GRM7: variants seen among roughly 807,000 people sequenced by gnomAD.
GRM7 encodes glutamate metabotropic receptor 7.
GRM7 carries 35 observed loss-of-function variants against 84.5 expected under a neutral mutation model. That is an observed-to-expected ratio of 0.41 (90% CI 0.32 to 0.55). GRM7 has a LOEUF of 0.55. Among genes scored for constraint, GRM7 ranks in the 20% least tolerant of loss-of-function variants. The pLI is 0.19. For missense variants in GRM7, 1,003 were observed against 1,194.6 expected, an observed-to-expected ratio of 0.84 and a Z score of 2.36; for synonymous variants, 487 against 455.1, an observed-to-expected ratio of 1.07 and a Z score of -0.89.
At chr3:7,077,250 T>C (rs1017299966) in intron 1 of GRM7, among the ~76,000 whole-genome samples, 2 of 152,144 alleles carry the variant, frequency 1.3e-5, no homozygotes, top group Non-Finnish European at 2.9e-5. Context: ...TATAAATCAT[T>C]CTACTGTAAG....
intron 2 of GRM7, among the ~76,000 whole-genome samples, chr3:7,229,905 T>C (rs978028299): frequency 7.2e-6 from 1 of 138,992 alleles, no homozygotes; most frequent in Non-Finnish European, 1.5e-5. Flanking sequence ...AGCGGGGCGA[T>C]CTCAGCTCAC....
chr3:7,252,902 A>G (rs13081988), intron 2 of GRM7, among the ~76,000 whole-genome samples: 130,227 of 150,570 alleles, frequency 0.86, 56,430 homozygotes, highest in East Asian at 0.98. Context: ...ATGTAGGCCA[A>G]TATGGTCTTG....
chr3:7,128,402 T>C (rs1307033634), intron 1 of GRM7, among the ~76,000 whole-genome samples: 5 of 151,894 alleles, frequency 3.3e-5, no homozygotes, highest in African/African-American at 1.2e-4. Flanking sequence ...GGTCTGATCA[T>C]GATGACATCT....
At chr3:7,661,794 CAAAAAAAAAAA>C (rs71043686) in intron 8 of GRM7, among the ~76,000 whole-genome samples, 24 of 28,202 alleles carry the variant, frequency 8.5e-4, no homozygotes, top group Admixed American at 4.2e-3. Context: ...GTCTCCGTCT[CAAAAAAAAAAA>C]AAAAAAAAAA....
chr3:7,073,673 A>G (rs1251230805), intron 1 of GRM7, among the ~76,000 whole-genome samples: 1 of 152,132 alleles, frequency 6.6e-6, no homozygotes, highest in Non-Finnish European at 1.5e-5. Context: ...TTATGCTAAA[A>G]ATTCTAGTTT....
At chr3:7,594,043 A>G (rs1054659121) in intron 8 of GRM7, among the ~76,000 whole-genome samples, 6 of 152,128 alleles carry the variant, frequency 3.9e-5, no homozygotes, top group Non-Finnish European at 5.9e-5. Flanking sequence ...TATGTAGGCA[A>G]GGGTCTACAA....
At chr3:7,483,600 G>A (rs552829096) in intron 7 of GRM7, among the ~76,000 whole-genome samples, 1 of 152,276 alleles carries the variant, frequency 6.6e-6, no homozygotes, top group Non-Finnish European at 1.5e-5. Flanking sequence ...TTATTAAAAG[G>A]ACAATAGAAA....
intron 4 of GRM7, among the ~76,000 whole-genome samples, chr3:7,403,622 G>GATAT (rs59465377): frequency 0.06 from 7,548 of 126,770 alleles, 280 homozygotes; most frequent in East Asian, 0.072. Flanking sequence ...GAGTAATTCT[G>GATAT]ATATATATAT....
intron 2 of GRM7, among the ~76,000 whole-genome samples, chr3:7,184,452 A>C: frequency 6.6e-6 from 1 of 152,244 alleles, no homozygotes; most frequent in Middle Eastern, 3.4e-3. Flanking sequence ...ATACAAAAAT[A>C]TTTTGATAAA....
intron 1 of GRM7, among the ~76,000 whole-genome samples, chr3:7,096,932 A>G (rs1325755257): frequency 1.3e-5 from 2 of 152,172 alleles, no homozygotes; most frequent in African/African-American, 4.8e-5. Context: ...TGGAAACAAA[A>G]ACAAGTGAAC....
At chr3:7,645,288 C>A (rs547339752) in intron 8 of GRM7, among the ~76,000 whole-genome samples, 2 of 152,034 alleles carry the variant, frequency 1.3e-5, no homozygotes, top group African/African-American at 2.4e-5. Context: ...GTGGCTCACG[C>A]CTGTAATCCC....
At chr3:6,979,559 A>G (rs1694119913) in intron 1 of GRM7, among the ~76,000 whole-genome samples, 2 of 152,224 alleles carry the variant, frequency 1.3e-5, no homozygotes. Flanking sequence ...CAATATCCAA[A>G]TATAGAAATT....
intron 1 of GRM7, among the ~76,000 whole-genome samples, chr3:7,096,979 T>G (rs542887551): frequency 6.6e-6 from 1 of 152,260 alleles, no homozygotes; most frequent in South Asian, 2.1e-4. Context: ...GTCTCTCACC[T>G]TTTCTTCCAA....
intron 8 of GRM7, among the ~76,000 whole-genome samples, chr3:7,659,268 C>G (rs1699329244): frequency 6.6e-6 from 1 of 152,116 alleles, no homozygotes; most frequent in Non-Finnish European, 1.5e-5. Flanking sequence ...GATGGGGACA[C>G]AATGCATCAT....
intron 2 of GRM7, among the ~76,000 whole-genome samples, chr3:7,240,133 T>G (rs921895674): frequency 2.5e-4 from 36 of 144,472 alleles, no homozygotes; most frequent in African/African-American, 8.9e-4. Context: ...TTTTTTTTTT[T>G]TTTTTTTTTT....
intron 1 of GRM7, among the ~76,000 whole-genome samples, chr3:6,870,431 G>C (rs184829809): frequency 2.0e-5 from 3 of 152,316 alleles, no homozygotes; most frequent in Non-Finnish European, 4.4e-5. Flanking sequence ...TGGCTGAGTA[G>C]AGTCAATGAG....
Position 7,298,853 on chromosome 3 carries a change from T to A in GRM7, c.878+28T>A, listed in dbSNP as rs1304118149. 2.5e-6 allele frequency: 4 copies of A among 1,594,674 alleles called. No individual in the cohort carries two copies. The African/African-American group carries it at 5.4e-5, about 21-fold the overall frequency. ...AAGAATAACTGGTGACAATTGTTAATATGCATGTTGCAATTTTAGGAGAGA... is the reference window on the plus strand; with the variant it reads ...AAGAATAACTGGTGACAATTGTTAAAATGCATGTTGCAATTTTAGGAGAGA... On this transcript the variant is annotated intron_variant, in intron 3 of 9. Transcript: ENST00000357716.
At chr3:7,238,467 A>C (rs1444069698) in intron 2 of GRM7, among the ~76,000 whole-genome samples, 1 of 151,934 alleles carries the variant, frequency 6.6e-6, no homozygotes, top group Non-Finnish European at 1.5e-5. Context: ...TATTTTCTTC[A>C]TATTAGTTCT....
chr3:7,601,088 T>C (rs532392759), intron 8 of GRM7, among the ~76,000 whole-genome samples: 1 of 152,270 alleles, frequency 6.6e-6, no homozygotes, highest in South Asian at 2.1e-4. Flanking sequence ...GTTGTGGCTA[T>C]CTCAAAATAT....
Sources: allele counts gnomAD v4.1 joint callset (sites outside exome capture counted in the v4.1 genomes callset), GRCh38; gene constraint gnomAD v4.1.1; transcripts MANE v1.5; gene names NCBI Gene and HGNC (gene_info 2026-07-23, HGNC 2026-07-21).